RANBP3: variants seen among roughly 807,000 people sequenced by gnomAD.
RANBP3 encodes ran-binding protein 3.
A neutral mutation model predicts 77.3 loss-of-function variants in RANBP3; 14 were observed. The observed-to-expected ratio is 0.18, with a 90% CI of 0.12 to 0.28. RANBP3 has a LOEUF of 0.28. Ranked by LOEUF, RANBP3 falls within the 10% of genes least tolerant of loss-of-function variation. The pLI, the probability that RANBP3 is intolerant of heterozygous loss-of-function variation, is 1.00. For missense variants in RANBP3, 586 were observed against 752.3 expected, an observed-to-expected ratio of 0.78 and a Z score of 2.59; for synonymous variants, 315 against 312.4, an observed-to-expected ratio of 1.01 and a Z score of -0.09.
At chr19:5,970,640 A>T (rs932721554) in intron 1 of RANBP3, among the ~76,000 whole-genome samples, 7 of 152,122 alleles carry the variant, frequency 4.6e-5, no homozygotes, top group Non-Finnish European at 1.0e-4. Context: ...ACCAGCCCCA[A>T]TGTCAAGAAT....
intron 13 of RANBP3, among the ~76,000 whole-genome samples, chr19:5,922,807 G>A (rs1206400628): frequency 1.3e-5 from 2 of 152,158 alleles, no homozygotes; most frequent in African/African-American, 2.4e-5. Flanking sequence ...TGGCGTGGTG[G>A]TGCACACCTG....
intron 13 of RANBP3, among the ~76,000 whole-genome samples, chr19:5,922,423 C>T (rs982662139): frequency 1.3e-5 from 2 of 152,132 alleles, no homozygotes; most frequent in Admixed American, 6.5e-5. Flanking sequence ...TTATGTGCCA[C>T]GGGAGAGGAA....
intron 10 of RANBP3, 133 bp from the exon 11 acceptor site, chr19:5,925,038 CGT>C: frequency 1.2e-6 from 1 of 810,984 alleles, no homozygotes; most frequent in Non-Finnish European, 2.1e-6. Flanking sequence ...CACGGGGTGG[CGT>C]GTCAGAGGCA....
Position 5,972,290 on chromosome 19 carries a change from C to A in RANBP3, c.22+5771G>T, listed in dbSNP as rs1023622677. Among the ~76,000 whole-genome samples, 6 of 152,332 alleles carry A rather than the reference C, an allele frequency of 3.9e-5. No individual in the cohort carries two copies. The East Asian group carries it at 1.2e-3, about 29-fold the overall frequency. Reference sequence around the variant, plus strand: ...TCCTTAAACAAGTGTGAAGCCCATCCAGGGCTGAGATCCATAGCTAGTGCT... The same window carrying A: ...TCCTTAAACAAGTGTGAAGCCCATCAAGGGCTGAGATCCATAGCTAGTGCT... On this transcript the variant is annotated intron_variant, in intron 1 of 16. Transcript: ENST00000340578.
At chr19:5,965,217 G>A (rs989193250) in intron 1 of RANBP3, among the ~76,000 whole-genome samples, 2 of 152,024 alleles carry the variant, frequency 1.3e-5, no homozygotes, top group Admixed American at 6.6e-5. Context: ...GTGTGTGTGC[G>A]AAGTCCATAA....
In RANBP3 at chr19:5,958,283, C is replaced by T. The variant is rs376704264; in HGVS notation, c.23-310G>A. 1.3e-5 allele frequency among the ~76,000 whole-genome samples: 2 copies of T among 152,260 alleles called. No individual in the cohort carries two copies. The highest frequency in any genetic ancestry group is 2.1e-4 in the South Asian group (1 of 4,820). On this transcript the variant is annotated intron_variant, in intron 1 of 16. Coordinates refer to ENST00000340578, the MANE Select transcript of RANBP3 (RefSeq NM_007322.3). The surrounding 1 kb of genome is among the most constrained non-coding windows in gnomAD (Gnocchi z 4.4). ...GGGAGAGCAGCGGAGAGTGTGGCAG[C>T]GCTATTTGGCGCCATGAACTGTGAC...
Position 5,924,871 on chromosome 19 carries a change from T to C in RANBP3, c.952A>G (p.Ser318Gly), listed in dbSNP as rs1304567230. The C allele has an allele frequency of 1.2e-6, 2 of 1,614,100 alleles. No individual in the cohort carries two copies. Among genetic ancestry groups the C allele is most frequent in the Non-Finnish European group, 1.7e-6 (2 of 1,180,012 alleles). Residue 318 changes from serine (S) to glycine (G), a missense_variant, in exon 11 of 17, where the codon AGC becomes GGC. Transcript: ENST00000340578. This position sits in a 1 kb window ranked among gnomAD's most constrained non-coding sequence, Gnocchi z 4.7. ...TTCTGGCCAAATACAAATTTGTTGC[T>C]GGAGGCGTCGGCACTATTGGTTGAG... ...ENSTNSADAS[S>G]NKFVFGQNMS...
intron 3 of RANBP3, among the ~76,000 whole-genome samples, chr19:5,947,864 G>A (rs1191440700): frequency 6.6e-6 from 1 of 152,196 alleles, no homozygotes; most frequent in Non-Finnish European, 1.5e-5. Flanking sequence ...AGACAGAGGG[G>A]CACATCCCAT....
chr19:5,969,694 C>T (rs1438687414), intron 1 of RANBP3, among the ~76,000 whole-genome samples: 1 of 152,258 alleles, frequency 6.6e-6, no homozygotes, highest in Non-Finnish European at 1.5e-5. Context: ...CTGGCCCTAG[C>T]CAGCCCTACC....
intron 10 of RANBP3, chr19:5,925,369 G>A (rs1258997963): frequency 5.4e-6 from 3 of 560,736 alleles, no homozygotes; most frequent in African/African-American, 3.8e-5. Context: ...CACTCCAAGG[G>A]CTGGGCTGTA....
At chr19:5,974,877 G>A (rs979291471) in intron 1 of RANBP3, among the ~76,000 whole-genome samples, 2 of 152,168 alleles carry the variant, frequency 1.3e-5, no homozygotes, top group Admixed American at 6.5e-5. Context: ...ATGCCCAGCC[G>A]GGTGGACAGC....
At chr19:5,973,262 T>C (rs2058550938) in intron 1 of RANBP3, among the ~76,000 whole-genome samples, 1 of 152,124 alleles carries the variant, frequency 6.6e-6, no homozygotes, top group Non-Finnish European at 1.5e-5. Context: ...GGGGCTAGGT[T>C]TTAAGTCAAC....
At chr19:5,957,462 C>T (rs533003259) in intron 2 of RANBP3, among the ~76,000 whole-genome samples, 13 of 152,108 alleles carry the variant, frequency 8.5e-5, no homozygotes, top group South Asian at 2.1e-4. Context: ...ACGCCCAGCT[C>T]GTTAGGGCCA....
chr19:5,941,038 TG>T (rs769039509), intron 5 of RANBP3, among the ~76,000 whole-genome samples: 2 of 152,358 alleles, frequency 1.3e-5, no homozygotes, highest in East Asian at 3.9e-4. Context: ...CCCTTTAGCC[TG>T]CCCTGCTCCA....
At position 5,921,648 on chromosome 19, in the gene RANBP3, C is replaced by G. The variant is rs1047195511; in HGVS notation, c.1210-327G>C. 3.9e-5 allele frequency among the ~76,000 whole-genome samples: 6 copies of G among 152,262 alleles called. No homozygotes were observed. Among genetic ancestry groups the G allele is most frequent in the Admixed American group, 6.5e-5 (1 of 15,290 alleles). The stretch of plus-strand genomic sequence containing the variant: ...GCGGGAAGGCCGCATGGTGCCACTG[C>G]TGTGGAAGAGTCTGGCGGCTCCTCA... On this transcript the variant is annotated intron_variant, in intron 13 of 16. Transcript: ENST00000340578. The surrounding 1 kb of genome is among the most constrained non-coding windows in gnomAD (Gnocchi z 5.3).
chr19:5,970,469 TGGGGGCAATTCTGACATTAA>T lies in RANBP3; in HGVS notation c.22+7572_22+7591del, dbSNP rs1010839634. ...ATCCCATAACCCAATGGTTCTCAAG[TGGGGGCAATTCTGACATTAA>T]GGGGACACTGGACAGTGTCTGGAGA... is the stretch of plus-strand genomic sequence containing the variant. On this transcript the variant is annotated intron_variant, in intron 1 of 16. Coordinates refer to ENST00000340578, the MANE Select transcript of RANBP3 (RefSeq NM_007322.3). 3.9e-5 allele frequency among the ~76,000 whole-genome samples: 6 copies of T among 152,136 alleles called. No homozygotes were observed. The East Asian group carries it at 1.2e-3, about 29-fold the overall frequency.
chr19:5,926,621 G>A (rs941583053), intron 9 of RANBP3, among the ~76,000 whole-genome samples: 10 of 152,228 alleles, frequency 6.6e-5, no homozygotes, highest in African/African-American at 2.2e-4. Flanking sequence ...CTGAGACTGC[G>A]AAGTGCACGT....
chr19:5,950,824 G>A (rs2145182326), intron 3 of RANBP3: 1 of 155,510 alleles, frequency 6.4e-6, no homozygotes, highest in East Asian at 1.9e-4. Context: ...CAAAGATAAA[G>A]GGCTCAGGGG....
intron 1 of RANBP3, among the ~76,000 whole-genome samples, chr19:5,973,881 G>A (rs1229508297): frequency 2.0e-5 from 3 of 152,150 alleles, no homozygotes; most frequent in Non-Finnish European, 4.4e-5. Flanking sequence ...GTGGAAACGG[G>A]GGGCTCAAAG....
Sources: allele counts gnomAD v4.1 joint callset (sites outside exome capture counted in the v4.1 genomes callset), GRCh38; gene constraint gnomAD v4.1.1; non-coding constraint Gnocchi (gnomAD v3.1); transcripts MANE v1.5; gene names NCBI Gene and HGNC (gene_info 2026-07-23, HGNC 2026-07-21).